The following MRPL20 variants were observed in gnomAD, a reference collection of about 807,000 sequenced individuals.
MRPL20 encodes large ribosomal subunit protein bL20m.
Under a neutral mutation model 20.0 loss-of-function variants are expected in MRPL20, and 21 were observed. The ratio of observed to expected loss-of-function variants is 1.05; its 90% CI spans 0.74 to 1.51. MRPL20 has a LOEUF of 1.51. Among genes scored for constraint, MRPL20 ranks in the 40% most tolerant of loss-of-function variants. The pLI, the probability that MRPL20 is intolerant of heterozygous loss-of-function variation, is 0.00. For synonymous variants in MRPL20, 104 were observed against 73.0 expected (o/e 1.43, Z -2.17); for missense variants, 252 against 185.6 (o/e 1.36, Z -2.08).
At chr1:1,402,487 C>T in intron 3 of MRPL20, 1 of 1,287,274 alleles carries the variant, frequency 7.8e-7, no homozygotes, top group Non-Finnish European at 9.8e-7. Flanking sequence ...GGAGGCTGGA[C>T]TCCAGTCCTG....
At chr1:1,403,767 C>T (rs933714170) in intron 3 of MRPL20, among the ~76,000 whole-genome samples, 17 of 152,266 alleles carry the variant, frequency 1.1e-4, no homozygotes, top group East Asian at 3.9e-4. Context: ...ACCATCCGTT[C>T]GCTCCAAAAC....
chr1:1,403,253 C>CT (rs757604106), intron 3 of MRPL20, among the ~76,000 whole-genome samples: 4 of 142,144 alleles, frequency 2.8e-5, no homozygotes, highest in East Asian at 2.1e-4. Flanking sequence ...TTCTTTCTTT[C>CT]TTTTTTTTGA....
At position 1,402,256 on chromosome 1, in the gene MRPL20, A is replaced by C; in HGVS notation, c.277T>G (p.Cys93Gly). The C allele has an allele frequency of 1.2e-6, 2 of 1,606,668 alleles. No homozygotes were observed. Among genetic ancestry groups the C allele is most frequent in the East Asian group, 2.2e-5 (1 of 44,796 alleles). ...ACTTTCCTGTTGAGCTCCACCTGGCACTGAAAAAAGAATGAATCAGAACCT... is the reference window on the plus strand; with the variant it reads ...ACTTTCCTGTTGAGCTCCACCTGGCCCTGAAAAAAGAATGAATCAGAACCT... ...YPALIGNLVK[C>G]QVELNRKVLA... Residue 93 changes from cysteine to glycine, a missense_variant and splice_region_variant, in exon 4 of 4, where the codon TGC becomes GGC. By Grantham distance (159) the Cys-to-Gly change is radical (BLOSUM62 -3). Coordinates refer to ENST00000344843, the MANE Select transcript of MRPL20 (RefSeq NM_017971.4).
intron 3 of MRPL20, 158 bp downstream of exon 3, chr1:1,405,651 C>T (rs778913981): frequency 4.8e-5 from 62 of 1,286,158 alleles, no homozygotes; most frequent in Non-Finnish European, 6.8e-5. Flanking sequence ...CATGGACACC[C>T]CATCAGCATA....
At chr1:1,405,600 C>A in intron 3 of MRPL20, 1 of 866,220 alleles carries the variant, frequency 1.2e-6, no homozygotes, top group Non-Finnish European at 1.9e-6. Flanking sequence ...ACGTGGTGGT[C>A]CCTTGCTCCC....
intron 3 of MRPL20, chr1:1,405,142 A>T (rs1305713668): frequency 2.0e-5 from 3 of 153,472 alleles, no homozygotes; most frequent in Non-Finnish European, 4.4e-5. Context: ...GGTGCCCGCC[A>T]CCACACCTGG....
At chr1:1,405,980 A>G in intron 2 of MRPL20, 94 bp from the exon 3 acceptor site, 1 of 1,492,766 alleles carries the variant, frequency 6.7e-7, no homozygotes. Context: ...TTTTTCTAAA[A>G]GTAAATAGCA....
intron 3 of MRPL20, among the ~76,000 whole-genome samples, chr1:1,403,739 T>C (rs1645355671): frequency 6.6e-6 from 1 of 152,154 alleles, no homozygotes; most frequent in Admixed American, 6.6e-5. Context: ...TCACCAAGAT[T>C]TTGCTACACT....
chr1:1,406,219 C>A (rs780033726), intron 2 of MRPL20: 2 of 248,636 alleles, frequency 8.0e-6, no homozygotes, highest in South Asian at 4.8e-5. Flanking sequence ...AGCTTGGTGG[C>A]GCACACCTGC....
At position 1,402,214 on chromosome 1, in the gene MRPL20, T is replaced by C. The variant is rs754090967; in HGVS notation, c.319A>G (p.Ile107Val). Reference protein sequence around the residue: ...LNRKVLADLAIYEPKTFKSLA... With the variant: ...LNRKVLADLAVYEPKTFKSLA... The stretch of plus-strand genomic sequence containing the variant: ...GATTTGAAAGTCTTTGGCTCGTAGA[T>C]GGCCAGATCCGCTAGGACTTTCCTG... Residue 107 changes from isoleucine (I) to valine (V), a missense_variant, in exon 4 of 4, where the codon ATC (isoleucine) becomes GTC (valine). By Grantham distance (29) the Ile-to-Val change is conservative. Transcript: ENST00000344843. 1 of 1,613,874 alleles carries C rather than the reference T, an allele frequency of 6.2e-7. No homozygotes were observed. Among genetic ancestry groups the C allele is most frequent in the East Asian group, 2.2e-5 (1 of 44,874 alleles).
At chr1:1,404,385 A>C (rs1570067126) in intron 3 of MRPL20, among the ~76,000 whole-genome samples, 1 of 150,432 alleles carries the variant, frequency 6.6e-6, no homozygotes, top group Non-Finnish European at 1.5e-5. Context: ...CGATCTCCTG[A>C]CCTTGTGATC....
At chr1:1,405,705 T>C (rs1474116428) in intron 3 of MRPL20, 104 bp downstream of exon 3, 4 of 1,593,646 alleles carry the variant, frequency 2.5e-6, no homozygotes, top group Non-Finnish European at 3.4e-6. Context: ...TCCTCTGGCC[T>C]CAGCCTCCTG....
At chr1:1,404,688 G>A (rs1035447592) in intron 3 of MRPL20, among the ~76,000 whole-genome samples, 4 of 151,180 alleles carry the variant, frequency 2.6e-5, no homozygotes, top group African/African-American at 7.3e-5. Flanking sequence ...TTTTAGTAGA[G>A]ACCGGGTTTC....
chr1:1,402,658 T>A, intron 3 of MRPL20: 6 of 979,184 alleles, frequency 6.1e-6, no homozygotes, highest in Non-Finnish European at 7.3e-6. Flanking sequence ...GTTTAAGGAG[T>A]AGAAAAGGGG....
intron 2 of MRPL20, 24 bp downstream of exon 2, chr1:1,406,885 C>T: frequency 1.9e-6 from 3 of 1,593,552 alleles, no homozygotes; most frequent in Non-Finnish European, 2.6e-6. Context: ...CGCTGGCCGG[C>T]GGGTGTCCCG....
chr1:1,406,656 A>T (rs1024621925), intron 2 of MRPL20: 4 of 501,750 alleles, frequency 8.0e-6, no homozygotes, highest in African/African-American at 7.0e-5. Context: ...ACGCAGGGAG[A>T]GTGTCAAGGC....
At position 1,402,130 on chromosome 1, in the gene MRPL20, C is replaced by T. The variant is rs776570809; in HGVS notation, c.403G>A (p.Gly135Arg). Reference sequence around the variant, plus strand: ...GAAAAAATGCCTTCAGGTTCCTTCCCATCCCCCAAGGCAGCAGCAAATCCT... The same window carrying T: ...GAAAAAATGCCTTCAGGTTCCTTCCTATCCCCCAAGGCAGCAGCAAATCCT... ...HEGFAAALGD[G>R]KEPEGIFSRV... Residue 135 changes from glycine (G) to arginine (R), a missense_variant, in exon 4 of 4, where the codon GGG (glycine) becomes AGG (arginine). Gly to Arg is a moderately radical substitution (Grantham distance 125). Coordinates refer to ENST00000344843, the MANE Select transcript of MRPL20 (RefSeq NM_017971.4). 1.4e-5 allele frequency: 23 copies of T among 1,614,056 alleles called. No homozygotes were observed. In the South Asian group the frequency reaches 1.6e-4, roughly 12 times the overall value.
At position 1,402,421 on chromosome 1, in the gene MRPL20, G is replaced by C. The variant is rs572088597; in HGVS notation, c.277-165C>G. On this transcript the variant is annotated intron_variant, in intron 3 of 3. Transcript: ENST00000344843. ...TGGCACAGCAGAGGACTTCCAGGCA[G>C]GATGCTGAAGGATAAATGTGGACAC... is the stretch of plus-strand genomic sequence containing the variant. The C allele has an allele frequency of 2.5e-5, 34 of 1,381,644 alleles. No individual in the cohort carries two copies. In the African/African-American group the frequency reaches 4.7e-4, roughly 19 times the overall value. 85.6% of individuals were successfully genotyped at this position (1,381,644 alleles called of 1,614,324 possible). A position where few individuals can be genotyped will look rare whatever the true frequency, so the allele number is the denominator to read the frequency against.
At position 1,406,988 on chromosome 1, in the gene MRPL20, C is replaced by G. The variant is rs752071730; in HGVS notation, c.119G>C (p.Arg40Thr). The change falls in exon 2 of 4, where the codon AGG (arginine) becomes ACG (threonine). Residue 40 changes from arginine to threonine, a missense_variant. Transcript: ENST00000344843. ...TCGAATCACGGTTCTGACCGCCAAC[C>G]TGTAGCAGCGATTTTTCCTTCCCCG... ...HFRGRKNRCYRLAVRTVIRAF... is the reference protein window; with the variant it reads ...HFRGRKNRCYTLAVRTVIRAF... 4 of 1,613,880 alleles carry G rather than the reference C, an allele frequency of 2.5e-6. No homozygotes were observed. Among genetic ancestry groups the G allele is most frequent in the East Asian group, 2.2e-5 (1 of 44,874 alleles).
Sources: gnomAD v4.1 joint callset for allele counts (sites outside exome capture counted in the v4.1 genomes callset) on GRCh38, gnomAD v4.1.1 for gene constraint, MANE v1.5 for transcripts, NCBI Gene and HGNC (gene_info 2026-07-23, HGNC 2026-07-21) for gene names.